Variants in SNX13 observed in about 807,000 individuals in gnomAD.
The protein encoded by SNX13 is sorting nexin 13.
A neutral mutation model predicts 133.6 loss-of-function variants in SNX13; 45 were observed. The ratio of observed to expected loss-of-function variants is 0.34; its 90% CI spans 0.27 to 0.43. SNX13 has a LOEUF of 0.43. Ranked by LOEUF, SNX13 falls within the 20% of genes least tolerant of loss-of-function variation. The pLI is 1.00. For missense variants in SNX13, 1,032 were observed against 1,145.1 expected (o/e 0.90, Z 1.43); for synonymous variants, 414 against 373.9 (o/e 1.11, Z -1.24).
intron 2 of SNX13, among the ~76,000 whole-genome samples, chr7:17,894,043 C>T (rs976762499): frequency 1.3e-5 from 2 of 151,348 alleles, no homozygotes; most frequent in East Asian, 3.9e-4. Context: ...TGGCTCACAC[C>T]TGTAATCCCA....
intron 24 of SNX13, among the ~76,000 whole-genome samples, chr7:17,797,351 C>G (rs1000503027): frequency 6.6e-6 from 1 of 151,810 alleles, no homozygotes; most frequent in Non-Finnish European, 1.5e-5. Flanking sequence ...TATGCCATCC[C>G]ACTCCTCTTA....
intron 1 of SNX13, among the ~76,000 whole-genome samples, chr7:17,901,489 G>A (rs1043750809): frequency 1.3e-5 from 2 of 152,120 alleles, no homozygotes; most frequent in Admixed American, 1.3e-4. Flanking sequence ...TCCAACCACT[G>A]GGATGGGCAA....
chr7:17,838,624 G>A (rs1393184318), intron 13 of SNX13, among the ~76,000 whole-genome samples: 1 of 151,846 alleles, frequency 6.6e-6, no homozygotes, highest in Non-Finnish European at 1.5e-5. Context: ...TAAGCACTAA[G>A]TAGCTGCATC....
At chr7:17,929,539 T>G (rs764238854) in intron 1 of SNX13, among the ~76,000 whole-genome samples, 7 of 152,106 alleles carry the variant, frequency 4.6e-5, no homozygotes, top group Admixed American at 1.3e-4. Flanking sequence ...AAAAAAAGAT[T>G]TTTAACACTC....
At chr7:17,859,114 T>C (rs1445618623) in intron 9 of SNX13, among the ~76,000 whole-genome samples, 1 of 152,084 alleles carries the variant, frequency 6.6e-6, no homozygotes, top group African/African-American at 2.4e-5. Flanking sequence ...ATCAAAACTT[T>C]AAAATTGTCA....
At chr7:17,927,830 TTAACTG>T (rs1326850904) in intron 1 of SNX13, among the ~76,000 whole-genome samples, 1 of 152,162 alleles carries the variant, frequency 6.6e-6, no homozygotes, top group East Asian at 1.9e-4. Context: ...TTCAATTCCT[TTAACTG>T]AGTTAGAACA....
intron 20 of SNX13, among the ~76,000 whole-genome samples, chr7:17,809,747 G>T (rs969714165): frequency 1.3e-5 from 2 of 152,108 alleles, no homozygotes; most frequent in Non-Finnish European, 2.9e-5. Flanking sequence ...AAATGCAAAA[G>T]AATGGAAATC....
At position 17,940,431 on chromosome 7, in the gene SNX13, C is replaced by G. The variant is rs1466529930; in HGVS notation, c.-136G>C. 3 of 1,014,822 alleles carry G rather than the reference C, an allele frequency of 3.0e-6. No individual in the cohort carries two copies. Among genetic ancestry groups the G allele is most frequent in the Admixed American group, 4.0e-5 (2 of 50,356 alleles). 62.9% of individuals were successfully genotyped at this position (1,014,822 alleles called of 1,614,324 possible). ...TCTTCTCCCGGGCGGCGGTTTTACT[C>G]GGCTTCGCTGGCCTCCCCTCGGCCC... On this transcript the variant is annotated 5_prime_UTR_variant, in exon 1 of 26. Transcript: ENST00000428135.
intron 24 of SNX13, among the ~76,000 whole-genome samples, 170 bp from the exon 25 acceptor site, chr7:17,797,109 G>C (rs1306913531): frequency 2.0e-5 from 3 of 151,574 alleles, no homozygotes; most frequent in African/African-American, 7.3e-5. Flanking sequence ...CTAAGTGTAG[G>C]GTTCAATTTT....
At chr7:17,867,406 T>G (rs1793523063) in intron 9 of SNX13, among the ~76,000 whole-genome samples, 1 of 151,990 alleles carries the variant, frequency 6.6e-6, no homozygotes, top group African/African-American at 2.4e-5. Context: ...CAGGAGTTCA[T>G]GACTGGCTAG....
chr7:17,846,685 A>G (rs554927485), intron 11 of SNX13, among the ~76,000 whole-genome samples: 1 of 152,102 alleles, frequency 6.6e-6, no homozygotes, highest in African/African-American at 2.4e-5. Flanking sequence ...AAACAAATCC[A>G]TCTCTATAAT....
chr7:17,938,038 A>T (rs915470510), intron 1 of SNX13, among the ~76,000 whole-genome samples: 1 of 152,248 alleles, frequency 6.6e-6, no homozygotes, highest in African/African-American at 2.4e-5. Context: ...AATGTCTAGC[A>T]GAAGCAATAA....
chr7:17,798,134 T>C (rs1443387130), intron 24 of SNX13, among the ~76,000 whole-genome samples: 1 of 151,834 alleles, frequency 6.6e-6, no homozygotes, highest in Non-Finnish European at 1.5e-5. Flanking sequence ...CTACTATCTG[T>C]ACTTTCCTCA....
chr7:17,828,260 T>A, intron 16 of SNX13, among the ~76,000 whole-genome samples: 1 of 151,908 alleles, frequency 6.6e-6, no homozygotes, highest in East Asian at 1.9e-4. Context: ...AAACTACATT[T>A]GATTTAGGAA....
chr7:17,844,824 A>G (rs748925517), intron 12 of SNX13, among the ~76,000 whole-genome samples: 2 of 152,106 alleles, frequency 1.3e-5, no homozygotes, highest in Non-Finnish European at 2.9e-5. Flanking sequence ...CACAAAAAGC[A>G]TATCACAAAA....
intron 9 of SNX13, among the ~76,000 whole-genome samples, chr7:17,855,474 A>G (rs144228075): frequency 1.2e-3 from 177 of 152,318 alleles, no homozygotes; most frequent in Non-Finnish European, 2.1e-3. Flanking sequence ...AAAAGACAGA[A>G]TGAGTATCTT....
intron 1 of SNX13, among the ~76,000 whole-genome samples, chr7:17,921,266 G>T (rs538962131): frequency 6.2e-4 from 95 of 152,242 alleles, no homozygotes; most frequent in African/African-American, 2.3e-3. Flanking sequence ...GACTAATAAT[G>T]AACCCACTAA....
intron 19 of SNX13, among the ~76,000 whole-genome samples, chr7:17,815,462 G>A (rs1454630314): frequency 1.3e-5 from 2 of 152,138 alleles, no homozygotes; most frequent in Admixed American, 6.5e-5. Context: ...GCATGCACCT[G>A]TAGTCCTAGC....
rs1364685517 is a variant in SNX13, at chr7:17,803,505, A to C, written c.2140T>G (p.Leu714Val). The change falls in exon 21 of 26, where the codon TTG becomes GTG. Residue 714 changes from leucine to valine, a missense_variant. Coordinates refer to ENST00000428135, the MANE Select transcript of SNX13 (RefSeq NM_015132.5). ...SNAVKSLPDS[L>V]AEGMTKMSDN... ...GACATTTTAGTCATTCCCTCTGCCAAGCTATCAGGAAGGGATTTAACTGCA... is the reference window on the plus strand; with the variant it reads ...GACATTTTAGTCATTCCCTCTGCCACGCTATCAGGAAGGGATTTAACTGCA... 6.2e-7 allele frequency: 1 copy of C among 1,612,610 alleles called. No individual in the cohort carries two copies.
Sources: allele counts gnomAD v4.1 joint callset (sites outside exome capture counted in the v4.1 genomes callset), GRCh38; gene constraint gnomAD v4.1.1; transcripts MANE v1.5; gene names NCBI Gene and HGNC (gene_info 2026-07-23, HGNC 2026-07-21).